Variants in ADAMTS16 observed in about 807,000 individuals in gnomAD.
ADAMTS16 encodes the protein A disintegrin and metalloproteinase with thrombospondin motifs 16.
In ADAMTS16, 94 loss-of-function variants were observed where a neutral mutation model predicts 145.8. The ratio of observed to expected loss-of-function variants is 0.64; its 90% CI spans 0.55 to 0.77. ADAMTS16 has a LOEUF of 0.77. ADAMTS16 is among the 30% of genes least tolerant of loss of function. ADAMTS16 has a pLI of 0.00. For missense variants in ADAMTS16, 1,585 were observed against 1,591.5 expected (o/e 1.00, Z 0.07); for synonymous variants, 659 against 604.3 (o/e 1.09, Z -1.33).
intron 17 of ADAMTS16, among the ~76,000 whole-genome samples, chr5:5,259,932 G>A (rs564912607): frequency 7.9e-5 from 12 of 152,238 alleles, no homozygotes; most frequent in African/African-American, 1.7e-4. Flanking sequence ...TCCCTCCCCC[G>A]ACCTCCACTT....
rs186274119 is a variant in ADAMTS16, at chr5:5,224,018, G to T, written c.1701+1134G>T. On this transcript the variant is annotated intron_variant, in intron 11 of 22. Transcript: ENST00000274181. ...TTCGAATGTGACTACAGACAGAAAG[G>T]TTTTAAAATGTTAACAACAATGCTA... Among the ~76,000 whole-genome samples the T allele has an allele frequency of 4.8e-3, 726 of 152,018 alleles. 3 individuals are homozygous for T. The highest frequency in any genetic ancestry group is 0.014 in the African/African-American group (571 of 41,452).
Position 5,291,138 on chromosome 5 carries a change from C to G in ADAMTS16, c.2790-12130C>G, listed in dbSNP as rs543072664. 2.0e-5 allele frequency among the ~76,000 whole-genome samples: 3 copies of G among 152,014 alleles called. No homozygotes were observed. In the South Asian group the frequency reaches 6.3e-4, roughly 32 times the overall value. ...TGACCATATCATGACATCATTTTTA[C>G]CAATGCCGGAAAATCACTGAGAGGC... On this transcript the variant is annotated intron_variant, in intron 18 of 22. Coordinates refer to ENST00000274181, the MANE Select transcript of ADAMTS16 (RefSeq NM_139056.4).
At chr5:5,245,023 C>T (rs76744371) in intron 17 of ADAMTS16, among the ~76,000 whole-genome samples, 1,618 of 152,140 alleles carry the variant, frequency 0.011, 27 homozygotes, top group African/African-American at 0.036. Context: ...CTTTTATTTC[C>T]CAAGATCTCA....
intron 10 of ADAMTS16, among the ~76,000 whole-genome samples, chr5:5,209,927 G>GA (rs1480037916): frequency 6.6e-6 from 1 of 152,124 alleles, no homozygotes; most frequent in Non-Finnish European, 1.5e-5. Context: ...AGAAATTAGA[G>GA]AAAAATATAA....
intron 10 of ADAMTS16, among the ~76,000 whole-genome samples, chr5:5,215,717 G>GTA (rs56041596): frequency 0.37 from 49,732 of 133,612 alleles, 10,092 homozygotes; most frequent in East Asian, 0.65. Flanking sequence ...TATATATGTG[G>GTA]TATATATATA....
intron 20 of ADAMTS16, among the ~76,000 whole-genome samples, chr5:5,305,655 C>T (rs370202446): frequency 6.6e-6 from 1 of 152,326 alleles, no homozygotes; most frequent in African/African-American, 2.4e-5. Flanking sequence ...AAAAAGCACA[C>T]CTGTAAGCCT....
At chr5:5,154,636 C>T (rs1302860002) in intron 3 of ADAMTS16, among the ~76,000 whole-genome samples, 17 of 152,044 alleles carry the variant, frequency 1.1e-4, no homozygotes, top group Admixed American at 1.1e-3. Flanking sequence ...GTCACTTGGG[C>T]AATATCACAA....
chr5:5,214,694 G>A (rs1048347595), intron 10 of ADAMTS16, among the ~76,000 whole-genome samples: 4 of 152,124 alleles, frequency 2.6e-5, no homozygotes, highest in East Asian at 1.9e-4. Context: ...GTGAGCCACC[G>A]CACCCAGCTT....
chr5:5,193,162 TGC>T (rs1194988659), intron 8 of ADAMTS16, among the ~76,000 whole-genome samples: 3,040 of 106,652 alleles, frequency 0.029, 60 homozygotes, highest in African/African-American at 0.066. Flanking sequence ...TGTGTGTGTG[TGC>T]GCGCGCGCAC....
intron 10 of ADAMTS16, among the ~76,000 whole-genome samples, chr5:5,217,575 C>G (rs1408193581): frequency 6.6e-6 from 1 of 152,142 alleles, no homozygotes; most frequent in Non-Finnish European, 1.5e-5. Context: ...GTGCCATTCA[C>G]AATATTGAAG....
chr5:5,306,877 TG>T, intron 21 of ADAMTS16, 149 bp downstream of exon 21: 1 of 820,232 alleles, frequency 1.2e-6, no homozygotes, highest in Non-Finnish European at 1.9e-6. Context: ...CATGTGCGGG[TG>T]GCCTGGTTCC....
At position 5,235,110 on chromosome 5, in the gene ADAMTS16, T is replaced by C; in HGVS notation, c.1947T>C (p.Ala649=). 1 of 1,605,024 alleles carries C rather than the reference T, an allele frequency of 6.2e-7. No individual in the cohort carries two copies. The highest frequency in any genetic ancestry group is 8.5e-7 in the Non-Finnish European group (1 of 1,172,514). The change falls in exon 13 of 23, where the codon GCT becomes GCC. Residue 649 remains alanine, a synonymous_variant. Transcript: ENST00000274181. ...KCPRDSVDFR[A]AQCAEHNSRR... ...CCCGGGACAGTGTTGACTTCCGTGC[T>C]GCTCAGTGTGCCGAGCACAACAGCA...
chr5:5,269,565 C>T lies in ADAMTS16; in HGVS notation c.2789+6782C>T, dbSNP rs1279157419. Reference sequence around the variant, plus strand: ...AGCAATGACCAGCCCTTCCTCTTGCCAGAATCTCCCTGTGCCTCCAACCCC... The same window carrying T: ...AGCAATGACCAGCCCTTCCTCTTGCTAGAATCTCCCTGTGCCTCCAACCCC... On this transcript the variant is annotated intron_variant, in intron 18 of 22. Transcript: ENST00000274181. This position sits in a 1 kb window ranked among gnomAD's most constrained non-coding sequence, Gnocchi z 4.3. 6.6e-6 allele frequency among the ~76,000 whole-genome samples: 1 copy of T among 152,174 alleles called. No individual in the cohort carries two copies. The highest frequency in any genetic ancestry group is 1.5e-5 in the Non-Finnish European group (1 of 68,042).
chr5:5,212,205 TTTTG>T (rs1736291627), intron 10 of ADAMTS16, among the ~76,000 whole-genome samples: 1 of 127,886 alleles, frequency 7.8e-6, no homozygotes, highest in Admixed American at 9.9e-5. Context: ...TTTTGTTTTG[TTTTG>T]TTTTGTTTTT....
At chr5:5,264,896 C>A (rs1052263795) in intron 18 of ADAMTS16, among the ~76,000 whole-genome samples, 1 of 152,216 alleles carries the variant, frequency 6.6e-6, no homozygotes, top group African/African-American at 2.4e-5. Flanking sequence ...ACACACACGA[C>A]GATGCTCCAT....
At position 5,140,387 on chromosome 5, in the gene ADAMTS16, TG is replaced by T; in HGVS notation, c.-78del. 1 of 1,372,996 alleles carries T rather than the reference TG, an allele frequency of 7.3e-7. No individual in the cohort carries two copies. Among genetic ancestry groups the T allele is most frequent in the Admixed American group, 2.9e-5 (1 of 35,048 alleles). The allele number at this position is 1,372,996 out of a possible 1,614,324, so 85.1% of individuals were successfully genotyped here. ...GTGGGGAATCCTCCCGCGCTCTGCCTGGGTCGGGTCCTCCCTGCCCGCTCGC... is the reference window on the plus strand; with the variant it reads ...GTGGGGAATCCTCCCGCGCTCTGCCTGGTCGGGTCCTCCCTGCCCGCTCGC... On this transcript the variant is annotated 5_prime_UTR_variant, in exon 1 of 23. Coordinates refer to ENST00000274181, the MANE Select transcript of ADAMTS16 (RefSeq NM_139056.4).
intron 17 of ADAMTS16, among the ~76,000 whole-genome samples, chr5:5,257,012 C>A (rs2126419023): frequency 6.6e-6 from 1 of 152,170 alleles, no homozygotes; most frequent in Admixed American, 6.5e-5. Context: ...ATAACTATTA[C>A]ACTTAAGGAA....
intron 17 of ADAMTS16, among the ~76,000 whole-genome samples, chr5:5,257,637 C>A (rs1393281883): frequency 3.3e-5 from 5 of 152,226 alleles, no homozygotes; most frequent in African/African-American, 4.8e-5. Flanking sequence ...CGGACATGAG[C>A]TGTTTTTATT....
chr5:5,140,765 C>G lies in ADAMTS16; in HGVS notation c.174C>G (p.Gly58=). The G allele has an allele frequency of 6.4e-7, 1 of 1,557,424 alleles. No homozygotes were observed. Among genetic ancestry groups the G allele is most frequent in the Non-Finnish European group, 8.7e-7 (1 of 1,151,942 alleles). The part of the protein sequence containing the change: ...PAERPGWMEK[G]EYDLVSAYEV... The stretch of plus-strand genomic sequence containing the variant: ...AGCGGCCGGGCTGGATGGAAAAGGG[C>G]GGTAAGTCCGTGAGGTGGGGGCTTC... Residue 58 remains glycine, a splice_region_variant and synonymous_variant, in exon 2 of 23, where the codon GGC becomes GGG. Coordinates refer to ENST00000274181, the MANE Select transcript of ADAMTS16 (RefSeq NM_139056.4).
Sources: allele counts gnomAD v4.1 joint callset (sites outside exome capture counted in the v4.1 genomes callset), GRCh38; gene constraint gnomAD v4.1.1; non-coding constraint Gnocchi (gnomAD v3.1); transcripts MANE v1.5; gene names NCBI Gene and HGNC (gene_info 2026-07-23, HGNC 2026-07-21).